The following TMEM67 variants were observed in gnomAD, a reference collection of about 807,000 sequenced individuals.
TMEM67 encodes the protein transmembrane protein 67, also known as meckelin.
In TMEM67, 124 loss-of-function variants were observed where a neutral mutation model predicts 136.6. That is an observed-to-expected ratio of 0.91 (90% CI 0.78 to 1.05). The LOEUF (loss-of-function observed/expected upper bound fraction) is 1.05. TMEM67 is among the 50% of genes least tolerant of loss of function. The probability of loss-of-function intolerance (pLI) is 0.00; values close to 1 mark genes in which losing one functional copy is unlikely to be tolerated. For missense variants in TMEM67, 1,107 were observed against 1,178.4 expected (o/e 0.94, Z 0.89); for synonymous variants, 364 against 390.5 (o/e 0.93, Z 0.80).
intron 15 of TMEM67, 140 bp downstream of exon 15, chr8:93,791,459 T>G: frequency 1.6e-6 from 1 of 622,974 alleles, no homozygotes; most frequent in Non-Finnish European, 2.9e-6. Flanking sequence ...AAAACCTTAG[T>G]ACAATGATCA....
At chr8:93,759,942 C>T in intron 3 of TMEM67, 1 of 1,536,034 alleles carries the variant, frequency 6.5e-7, no homozygotes, top group Non-Finnish European at 8.8e-7. Flanking sequence ...GCCACCGCAC[C>T]TGACCTTGGC....
At chr8:93,771,084 G>A (rs1409121862) in intron 6 of TMEM67, among the ~76,000 whole-genome samples, 1 of 151,846 alleles carries the variant, frequency 6.6e-6, no homozygotes, top group Non-Finnish European at 1.5e-5. Flanking sequence ...TAAAGGTACT[G>A]TGATTAATAC....
At chr8:93,826,680 T>C in the TMEM67 span, among the ~76,000 whole-genome samples, 34 of 152,324 alleles carry the variant, frequency 2.2e-4, no homozygotes, top group Admixed American at 2.2e-3. Flanking sequence ...GATCTCTAAG[T>C]CCTCTTCTTT....
chr8:93,807,363 A>G (rs1341028582), intron 23 of TMEM67, among the ~76,000 whole-genome samples: 1 of 152,152 alleles, frequency 6.6e-6, no homozygotes, highest in Non-Finnish European at 1.5e-5. Context: ...TAAGGGGAAA[A>G]GTATGTAAAA....
downstream of TMEM67, among the ~76,000 whole-genome samples, chr8:93,823,464 A>G (rs1316261613): frequency 6.6e-6 from 1 of 151,928 alleles, no homozygotes; most frequent in Non-Finnish European, 1.5e-5. Flanking sequence ...CCTAATATAG[A>G]ACACTATCTA....
At chr8:93,771,963 T>G (rs1194523724) in intron 6 of TMEM67, among the ~76,000 whole-genome samples, 1 of 152,252 alleles carries the variant, frequency 6.6e-6, no homozygotes, top group Non-Finnish European at 1.5e-5. Context: ...TGAATGGTGC[T>G]TCTTAGTTTC....
chr8:93,775,643 G>A (rs1007591983), intron 7 of TMEM67, among the ~76,000 whole-genome samples: 1 of 152,186 alleles, frequency 6.6e-6, no homozygotes, highest in Non-Finnish European at 1.5e-5. Context: ...TGTCAGGTTT[G>A]TCAAGGATCA....
intron 22 of TMEM67, 91 bp from the exon 23 acceptor site, chr8:93,804,671 T>C (rs1433702138): frequency 2.8e-6 from 2 of 704,336 alleles, no homozygotes; most frequent in African/African-American, 3.6e-5. Flanking sequence ...TTCATTATTT[T>C]GGGAAAAAGA....
At chr8:93,799,995 C>T (rs1419176911) in intron 21 of TMEM67, among the ~76,000 whole-genome samples, 1 of 150,854 alleles carries the variant, frequency 6.6e-6, no homozygotes, top group Non-Finnish European at 1.5e-5. Context: ...GCAGCCTCTG[C>T]CTTCCGGGTT....
At position 93,804,895 on chromosome 8, in the gene TMEM67, C is replaced by T. The variant is rs375852558; in HGVS notation, c.2439+17C>T. ...AGAGAAGCGGTATGAAAATGTTTTA[C>T]ATCTTTTTGTTTTTAAGTTGAGAAG... On this transcript the variant is annotated intron_variant, in intron 23 of 27. Transcript: ENST00000453321. 5.3e-5 allele frequency: 74 copies of T among 1,391,454 alleles called. No homozygotes were observed. The African/African-American group carries it at 1.0e-3, about 19-fold the overall frequency. The allele number at this position is 1,391,454 out of a possible 1,614,324, so 86.2% of individuals were successfully genotyped here.
chr8:93,815,420 A>ATCC lies in TMEM67; in HGVS notation c.2882_2884dup (p.Ser961dup). 6.2e-7 allele frequency: 1 copy of ATCC among 1,612,746 alleles called. No individual in the cohort carries two copies. The highest frequency in any genetic ancestry group is 8.5e-7 in the Non-Finnish European group (1 of 1,179,636). On this transcript the variant is annotated inframe_insertion, in exon 27 of 28. Coordinates refer to ENST00000453321, the MANE Select transcript of TMEM67 (RefSeq NM_153704.6). ...TGGCTTGCCAAAATTTTATTTTAGC[A>ATCC]TCCTTCCTTACATATCTACAACAAG...
chr8:93,795,465 C>A lies in TMEM67; in HGVS notation c.1731C>A (p.Ile577=). 1 of 1,613,946 alleles carries A rather than the reference C, an allele frequency of 6.2e-7. No individual in the cohort carries two copies. Among genetic ancestry groups the A allele is most frequent in the Admixed American group, 1.7e-5 (1 of 60,004 alleles). Residue 577 remains isoleucine (I), a synonymous_variant, in exon 17 of 28, where the codon ATC becomes ATA. Transcript: ENST00000453321. ...YAGDLANVFF[I]ITVGTGLYWL... ...GTGATCTGGCCAATGTTTTCTTTATCATCACAGTGGGAACAGGTCTTTACT... is the reference window on the plus strand; with the variant it reads ...GTGATCTGGCCAATGTTTTCTTTATAATCACAGTGGGAACAGGTCTTTACT...
chr8:93,771,396 GT>G (rs1437013714), intron 6 of TMEM67, among the ~76,000 whole-genome samples: 1 of 151,920 alleles, frequency 6.6e-6, no homozygotes, highest in Non-Finnish European at 1.5e-5. Flanking sequence ...CTCCTGTGTT[GT>G]TTTGACGTGA....
chr8:93,776,924 A>G (rs1276181478), intron 7 of TMEM67, among the ~76,000 whole-genome samples: 1 of 152,228 alleles, frequency 6.6e-6, no homozygotes, highest in Non-Finnish European at 1.5e-5. Context: ...TTCAGAAGGA[A>G]TGATACCAGC....
chr8:93,771,888 C>T (rs1017236658), intron 6 of TMEM67, among the ~76,000 whole-genome samples: 1 of 152,200 alleles, frequency 6.6e-6, no homozygotes, highest in Non-Finnish European at 1.5e-5. Context: ...TTTCTCTGAT[C>T]ACTGTGGTGC....
intron 3 of TMEM67, chr8:93,758,876 G>A (rs1227363814): frequency 6.3e-6 from 2 of 315,978 alleles, no homozygotes; most frequent in African/African-American, 4.3e-5. Flanking sequence ...TGGGATTATA[G>A]GCATCAGTCA....
intron 23 of TMEM67, among the ~76,000 whole-genome samples, chr8:93,805,574 C>T (rs1223466041): frequency 6.8e-6 from 1 of 147,968 alleles, no homozygotes; most frequent in East Asian, 2.0e-4. Flanking sequence ...GAGCGAGACT[C>T]CGTCTCAAAA....
intron 21 of TMEM67, among the ~76,000 whole-genome samples, chr8:93,803,346 G>A (rs529432200): frequency 6.6e-6 from 1 of 152,226 alleles, no homozygotes; most frequent in African/African-American, 2.4e-5. Flanking sequence ...CCACGTGTTT[G>A]TCATAGCTTG....
intron 26 of TMEM67, among the ~76,000 whole-genome samples, chr8:93,812,658 G>T (rs1328376913): frequency 6.6e-6 from 1 of 152,180 alleles, no homozygotes; most frequent in African/African-American, 2.4e-5. Context: ...AGTTTTGTGG[G>T]GTTATTATGT....
Sources: allele counts gnomAD v4.1 joint callset (sites outside exome capture counted in the v4.1 genomes callset), GRCh38; gene constraint gnomAD v4.1.1; transcripts MANE v1.5; gene names NCBI Gene and HGNC (gene_info 2026-07-23, HGNC 2026-07-21).